The following TCF12 variants were observed in gnomAD, a reference collection of about 807,000 sequenced individuals.
TCF12 encodes transcription factor 12.
A neutral mutation model predicts 86.0 loss-of-function variants in TCF12; 45 were observed. The ratio of observed to expected loss-of-function variants is 0.52; its 90% CI spans 0.41 to 0.67. TCF12 has a LOEUF of 0.67. Among genes scored for constraint, TCF12 ranks in the 30% least tolerant of loss-of-function variants. The pLI, the probability that TCF12 is intolerant of heterozygous loss-of-function variation, is 0.00. For synonymous variants in TCF12, 330 were observed against 299.6 expected (o/e 1.10, Z -1.05); for missense variants, 881 against 859.9 (o/e 1.02, Z -0.31).
At position 57,007,755 on chromosome 15, in the gene TCF12, C is replaced by CTTCTTTCT. The variant is rs61173765; in HGVS notation, c.149-55966_149-55959dup. ...GAAAATGATGTAACAAATATTTTTCCTTCTTTCTTTCTTTCTTTCTTTCTT... is the reference window on the plus strand; with the variant it reads ...GAAAATGATGTAACAAATATTTTTCCTTCTTTCTTTCTTTCTTTCTTTCTTTCTTTCTT... On this transcript the variant is annotated intron_variant, in intron 3 of 20. Coordinates refer to ENST00000333725, the MANE Select transcript of TCF12 (RefSeq NM_207037.2). 4.7e-3 allele frequency among the ~76,000 whole-genome samples: 391 copies of CTTCTTTCT among 83,972 alleles called. 2 individuals carry two copies. Among genetic ancestry groups the CTTCTTTCT allele is most frequent in the African/African-American group, 0.016 (376 of 23,966 alleles). 55.1% of individuals were successfully genotyped at this position (83,972 alleles called of 152,430 possible). A position where few individuals can be genotyped will look rare whatever the true frequency, so the allele number is the denominator to read the frequency against.
chr15:57,075,857 TTCTTTCCA>T lies in TCF12; in HGVS notation c.222+12036_222+12043del, dbSNP rs2069969577. 7.3e-5 allele frequency among the ~76,000 whole-genome samples: 10 copies of T among 137,288 alleles called. No homozygotes were observed. In the Admixed American group the frequency reaches 7.5e-4, roughly 10 times the overall value. 90.1% of individuals were successfully genotyped at this position (137,288 alleles called of 152,430 possible). A position where few individuals can be genotyped will look rare whatever the true frequency, so the allele number is the denominator to read the frequency against. ...CTCTTTTCTTTCTTTCTTTCTTTCT[TTCTTTCCA>T]TTCTTTTTTTTTATTTGAGACAGGG... On this transcript the variant is annotated intron_variant, in intron 4 of 20. Coordinates refer to ENST00000333725, the MANE Select transcript of TCF12 (RefSeq NM_207037.2).
rs555215476 is a variant in TCF12, at chr15:57,273,396, G to A, written c.1978+134G>A. 1,222 of 870,866 alleles carry A rather than the reference G, an allele frequency of 1.4e-3. 3 individuals carry two copies. The highest frequency in any genetic ancestry group is 1.8e-3 in the South Asian group (98 of 55,786). 53.9% of individuals were successfully genotyped at this position (870,866 alleles called of 1,614,324 possible). ...CTTCTTCTACTGTATCATCAGGGTC[G>A]TTTTTCCTGTAATTCTCACTTCTGT... is the stretch of plus-strand genomic sequence containing the variant. On this transcript the variant is annotated intron_variant, in intron 19 of 20. Coordinates refer to ENST00000333725, the MANE Select transcript of TCF12 (RefSeq NM_207037.2).
chr15:57,097,470 G>A (rs1327818017), intron 5 of TCF12, among the ~76,000 whole-genome samples: 2 of 152,020 alleles, frequency 1.3e-5, no homozygotes, highest in Non-Finnish European at 2.9e-5. Context: ...GGAGATTGCA[G>A]TGAGCCAGAT....
chr15:56,932,661 C>T (rs1338775507), intron 3 of TCF12, among the ~76,000 whole-genome samples: 13 of 151,942 alleles, frequency 8.6e-5, no homozygotes, highest in African/African-American at 2.9e-4. Context: ...CTTTGCCTTC[C>T]GGGTTCAAGC....
intron 5 of TCF12, among the ~76,000 whole-genome samples, chr15:57,142,515 A>G (rs1831458802): frequency 1.2e-5 from 1 of 80,208 alleles, no homozygotes. Flanking sequence ...TACATTTTGA[A>G]CAACAAAATA....
rs141673140 is a variant in TCF12 at position 57,070,696 on chromosome 15, G to A, written c.222+6873G>A. ...TTTTTTCGTTAATGTGGAAGAGTTT[G>A]GCTAAGAACCTCTCTATAGTTTGTA... On this transcript the variant is annotated intron_variant, in intron 4 of 20. Coordinates refer to ENST00000333725, the MANE Select transcript of TCF12 (RefSeq NM_207037.2). 7.6e-4 allele frequency among the ~76,000 whole-genome samples: 116 copies of A among 152,238 alleles called. 1 individual carries two copies. The highest frequency in any genetic ancestry group is 6.8e-3 in the Middle Eastern group (2 of 294).
At chr15:57,171,963 G>A (rs560286139) in intron 6 of TCF12, among the ~76,000 whole-genome samples, 9 of 152,222 alleles carry the variant, frequency 5.9e-5, no homozygotes, top group African/African-American at 2.2e-4. Context: ...GTAGAAGGTG[G>A]CAGGGTCTTG....
intron 5 of TCF12, among the ~76,000 whole-genome samples, chr15:57,139,497 T>C (rs550861103): frequency 4.6e-5 from 7 of 152,244 alleles, no homozygotes; most frequent in African/African-American, 1.4e-4. Context: ...AGGCAAACTT[T>C]AGTGAATCTT....
At chr15:56,923,201 GA>G (rs1373998198) in intron 3 of TCF12, among the ~76,000 whole-genome samples, 2 of 152,028 alleles carry the variant, frequency 1.3e-5, no homozygotes, top group African/African-American at 4.8e-5. Context: ...TTTTGAGGAA[GA>G]CTCAATTTCA....
chr15:57,203,105 A>G (rs12050758), intron 8 of TCF12, among the ~76,000 whole-genome samples: 75,202 of 152,062 alleles, frequency 0.49, 19,145 homozygotes, highest in East Asian at 0.64. Flanking sequence ...TAATGACTGC[A>G]TGGTAAATTG....
At chr15:57,196,963 A>T (rs1383963823) in intron 7 of TCF12, among the ~76,000 whole-genome samples, 1 of 152,104 alleles carries the variant, frequency 6.6e-6, no homozygotes, top group Non-Finnish European at 1.5e-5. Context: ...AAAAAACTGT[A>T]GGATAGCAAG....
chr15:57,267,961 A>C (rs2060946575), intron 18 of TCF12, among the ~76,000 whole-genome samples: 1 of 152,172 alleles, frequency 6.6e-6, no homozygotes, highest in South Asian at 2.1e-4. Flanking sequence ...ACGGTCTAGC[A>C]CACAGTAAGC....
chr15:57,127,730 A>G (rs1363697191), intron 5 of TCF12, among the ~76,000 whole-genome samples: 3 of 152,214 alleles, frequency 2.0e-5, no homozygotes, highest in Non-Finnish European at 4.4e-5. Flanking sequence ...AACTCTTTCT[A>G]GAGGTTATGG....
chr15:57,114,456 A>G (rs191739581), intron 5 of TCF12, among the ~76,000 whole-genome samples: 42 of 152,042 alleles, frequency 2.8e-4, no homozygotes, highest in African/African-American at 1.0e-3. Context: ...ACACCTAGCT[A>G]ATTTTTTTAT....
chr15:57,200,559 T>G (rs890445239), intron 8 of TCF12, among the ~76,000 whole-genome samples: 1 of 152,224 alleles, frequency 6.6e-6, no homozygotes, highest in Non-Finnish European at 1.5e-5. Context: ...AGTTTCCTAC[T>G]TGTTCATTCT....
intron 8 of TCF12, among the ~76,000 whole-genome samples, chr15:57,206,956 A>G (rs1463492121): frequency 1.3e-5 from 2 of 151,868 alleles, no homozygotes; most frequent in Admixed American, 1.3e-4. Context: ...AAAGGAAAAA[A>G]AAAATTGGTC....
Position 57,256,326 on chromosome 15 carries a change from G to T in TCF12, c.1467+2858G>T, listed in dbSNP as rs115636459. 7.8e-3 allele frequency among the ~76,000 whole-genome samples: 1,187 copies of T among 152,228 alleles called. 15 individuals carry two copies. The highest frequency in any genetic ancestry group is 0.027 in the African/African-American group (1,129 of 41,544). ...GTGTCTGAGGGCTTCCATTAGTACTGCTGGGATCACTTTATTTACATGCTC... is the reference window on the plus strand; with the variant it reads ...GTGTCTGAGGGCTTCCATTAGTACTTCTGGGATCACTTTATTTACATGCTC... On this transcript the variant is annotated intron_variant, in intron 16 of 20. Coordinates refer to ENST00000333725, the MANE Select transcript of TCF12 (RefSeq NM_207037.2).
chr15:56,958,678 A>AGAGT (rs1198441460), intron 3 of TCF12, among the ~76,000 whole-genome samples: 300 of 142,240 alleles, frequency 2.1e-3, no homozygotes, highest in African/African-American at 7.9e-3. Context: ...AGAGAGAGAG[A>AGAGT]GTGTGTGTGT....
At chr15:57,157,145 T>G (rs2151487947) in intron 5 of TCF12, among the ~76,000 whole-genome samples, 1 of 152,350 alleles carries the variant, frequency 6.6e-6, no homozygotes, top group South Asian at 2.1e-4. Flanking sequence ...ATTGAATGAT[T>G]ATCTCAGTTT....
Sources: allele counts gnomAD v4.1 joint callset (sites outside exome capture counted in the v4.1 genomes callset), GRCh38; gene constraint gnomAD v4.1.1; transcripts MANE v1.5; gene names NCBI Gene and HGNC (gene_info 2026-07-23, HGNC 2026-07-21).